Variants in MCTP2 observed in about 807,000 individuals in gnomAD.
The protein encoded by MCTP2 is multiple C2 and transmembrane domain-containing protein 2.
Under a neutral mutation model 111.6 loss-of-function variants are expected in MCTP2, and 132 were observed. The observed-to-expected ratio is 1.18, with a 90% CI of 1.03 to 1.37. The LOEUF (loss-of-function observed/expected upper bound fraction) is 1.37, where lower values mean the gene tolerates loss of function less well. MCTP2 is among the 40% of genes most tolerant of loss of function. The pLI, the probability that MCTP2 is intolerant of heterozygous loss-of-function variation, is 0.00. For synonymous variants in MCTP2, 395 were observed against 387.7 expected (o/e 1.02, Z -0.22); for missense variants, 1,183 against 1,067.9 (o/e 1.11, Z -1.50).
intron 17 of MCTP2, among the ~76,000 whole-genome samples, chr15:94,408,154 A>T (rs1456166405): frequency 6.6e-6 from 1 of 152,192 alleles, no homozygotes; most frequent in Non-Finnish European, 1.5e-5. Context: ...AAGCTCTTTC[A>T]TTGGCTATGA....
intron 1 of MCTP2, among the ~76,000 whole-genome samples, chr15:94,244,285 CAT>C (rs1451154623): frequency 2.7e-5 from 4 of 147,496 alleles, no homozygotes; most frequent in Non-Finnish European, 6.0e-5. Flanking sequence ...CATATATACA[CAT>C]ACATATGTGT....
intron 2 of MCTP2, among the ~76,000 whole-genome samples, chr15:94,311,131 T>C (rs2076115239): frequency 6.6e-6 from 1 of 150,982 alleles, no homozygotes; most frequent in Admixed American, 6.6e-5. Flanking sequence ...TTCAGGTGAC[T>C]CTCCTGCCTC....
chr15:94,298,964 TCTCTCC>T (rs1567356923), intron 2 of MCTP2, among the ~76,000 whole-genome samples: 7 of 7,794 alleles, frequency 9.0e-4, no homozygotes, highest in African/African-American at 3.9e-3. Flanking sequence ...CCTCTCTCCC[TCTCTCC>T]CTCTCCCTCT....
At chr15:94,362,099 C>T (rs1022247489) in intron 10 of MCTP2, among the ~76,000 whole-genome samples, 3 of 152,082 alleles carry the variant, frequency 2.0e-5, no homozygotes, top group Admixed American at 6.6e-5. Context: ...GATCAACCAT[C>T]GCCTGAAACT....
At chr15:94,288,034 C>G (rs1466890153) in intron 1 of MCTP2, among the ~76,000 whole-genome samples, 1 of 152,154 alleles carries the variant, frequency 6.6e-6, no homozygotes, top group Non-Finnish European at 1.5e-5. Context: ...GCAAAAGCAG[C>G]TGGTGGTAGG....
intron 10 of MCTP2, 125 bp from the exon 11 acceptor site, chr15:94,367,480 A>G (rs532193392): frequency 7.5e-5 from 55 of 728,780 alleles, no homozygotes; most frequent in African/African-American, 7.2e-4. Context: ...TTGCTGCTCA[A>G]TAAACCTAAG....
intron 17 of MCTP2, among the ~76,000 whole-genome samples, chr15:94,433,811 A>G (rs182652815): frequency 3.3e-5 from 5 of 152,314 alleles, no homozygotes; most frequent in Admixed American, 2.6e-4. Context: ...GTGAAATCAG[A>G]TTTCACAGTG....
chr15:94,311,585 G>T (rs1205675060), intron 2 of MCTP2, among the ~76,000 whole-genome samples: 1 of 152,106 alleles, frequency 6.6e-6, no homozygotes, highest in Non-Finnish European at 1.5e-5. Context: ...ACATTTTGCT[G>T]TTCTTTATGG....
chr15:94,467,598 ATAAATC>A lies in MCTP2; in HGVS notation c.2361-2731_2361-2726del, dbSNP rs2073493779. ...TTAAAGCTGCGTAGCGTTGCAGAGT[ATAAATC>A]TAATTAATTTTTTCTTTATTTCGAG... On this transcript the variant is annotated intron_variant, in intron 20 of 22. Transcript: ENST00000357742. Among the ~76,000 whole-genome samples, 3 of 151,916 alleles carry A rather than the reference ATAAATC, an allele frequency of 2.0e-5. No individual in the cohort carries two copies. The East Asian group carries it at 5.8e-4, about 29-fold the overall frequency.
At chr15:94,367,824 C>T in intron 11 of MCTP2, 33 bp downstream of exon 11, 1 of 1,534,694 alleles carries the variant, frequency 6.5e-7, no homozygotes, top group Non-Finnish European at 8.8e-7. Context: ...CACTCCCCCT[C>T]CTCCCACCTT....
chr15:94,268,711 C>T (rs1291020572), intron 1 of MCTP2, among the ~76,000 whole-genome samples: 1 of 150,754 alleles, frequency 6.6e-6, no homozygotes, highest in East Asian at 1.9e-4. Context: ...TCATAAACTT[C>T]TTATGGACAG....
chr15:94,326,581 T>A (rs1252827996), intron 4 of MCTP2, among the ~76,000 whole-genome samples: 1 of 152,094 alleles, frequency 6.6e-6, no homozygotes, highest in Admixed American at 6.6e-5. Context: ...ACTTTTTTTT[T>A]TTTTGAGACT....
At chr15:94,305,113 G>C (rs944818405) in intron 2 of MCTP2, among the ~76,000 whole-genome samples, 2 of 152,072 alleles carry the variant, frequency 1.3e-5, no homozygotes, top group African/African-American at 4.8e-5. Context: ...TTACATGACT[G>C]TATTGAAGAT....
chr15:94,238,251 C>G (rs1177735421), intron 1 of MCTP2, among the ~76,000 whole-genome samples: 1 of 152,080 alleles, frequency 6.6e-6, no homozygotes, highest in Non-Finnish European at 1.5e-5. Context: ...AGCTAGTGTT[C>G]AGAATTTGAG....
At chr15:94,352,520 G>GTAC (rs1228839629) in intron 8 of MCTP2, among the ~76,000 whole-genome samples, 12 of 152,148 alleles carry the variant, frequency 7.9e-5, no homozygotes, top group African/African-American at 2.4e-4. Flanking sequence ...AAACCCTGAT[G>GTAC]TACTGTATTG....
At chr15:94,368,542 C>T (rs1309128437) in intron 11 of MCTP2, among the ~76,000 whole-genome samples, 1 of 152,196 alleles carries the variant, frequency 6.6e-6, no homozygotes, top group Admixed American at 6.5e-5. Flanking sequence ...CTATCATTCT[C>T]AGCATAAACT....
chr15:94,400,685 C>G (rs2081537297), intron 16 of MCTP2, among the ~76,000 whole-genome samples: 1 of 150,184 alleles, frequency 6.7e-6, no homozygotes, highest in Non-Finnish European at 1.5e-5. Flanking sequence ...CAGGATTTCA[C>G]TTTGTACCTA....
intron 20 of MCTP2, among the ~76,000 whole-genome samples, chr15:94,468,634 CA>C (rs979149994): frequency 2.0e-4 from 30 of 152,104 alleles, no homozygotes; most frequent in African/African-American, 7.2e-4. Context: ...AAAACAATAA[CA>C]CTCAGTCTTT....
At chr15:94,323,591 G>A (rs560185766) in intron 4 of MCTP2, among the ~76,000 whole-genome samples, 62 of 152,224 alleles carry the variant, frequency 4.1e-4, no homozygotes, top group African/African-American at 1.4e-3. Context: ...GTCTGGTATT[G>A]GGGAGCTCAG....
Sources: gnomAD v4.1 joint callset for allele counts (sites outside exome capture counted in the v4.1 genomes callset) on GRCh38, gnomAD v4.1.1 for gene constraint, MANE v1.5 for transcripts, NCBI Gene and HGNC (gene_info 2026-07-23, HGNC 2026-07-21) for gene names.